The following NCOA2 variants were observed in gnomAD, a reference collection of about 807,000 sequenced individuals.
NCOA2 encodes nuclear receptor coactivator 2, also known as class E basic helix-loop-helix protein 75.
NCOA2 carries 21 observed loss-of-function variants against 145.1 expected under a neutral mutation model. The observed-to-expected ratio is 0.14, with a 90% CI of 0.10 to 0.21. NCOA2 has a LOEUF of 0.21. Ranked by LOEUF, NCOA2 falls within the 10% of genes least tolerant of loss-of-function variation. NCOA2 has a pLI of 1.00. For synonymous variants in NCOA2, 619 were observed against 637.5 expected (o/e 0.97, Z 0.44); for missense variants, 1,472 against 1,837.6 (o/e 0.80, Z 3.64).
At chr8:70,402,900 C>G (rs937201424) in intron 1 of NCOA2, among the ~76,000 whole-genome samples, 2 of 144,730 alleles carry the variant, frequency 1.4e-5, no homozygotes, top group African/African-American at 2.5e-5. Flanking sequence ...CCACCACGGC[C>G]CGGCCTGCTC....
At chr8:70,295,148 A>G (rs1826996388) in intron 2 of NCOA2, among the ~76,000 whole-genome samples, 1 of 152,216 alleles carries the variant, frequency 6.6e-6, no homozygotes, top group Non-Finnish European at 1.5e-5. Flanking sequence ...GACACAAGGA[A>G]AGGAAATAAG....
intron 1 of NCOA2, among the ~76,000 whole-genome samples, chr8:70,377,861 G>C (rs1163817960): frequency 6.6e-6 from 1 of 152,114 alleles, no homozygotes; most frequent in Non-Finnish European, 1.5e-5. Flanking sequence ...AAAAGCACAG[G>C]ATTTTAATTA....
rs1169263053 is a variant in NCOA2 at position 70,124,844 on chromosome 8, G to A, written c.3938C>T (p.Pro1313Leu). The change falls in exon 20 of 23, where the codon CCA becomes CTA. Residue 1313 changes from proline (P) to leucine (L), a missense_variant. Physicochemically the swap from Pro to Leu is moderately conservative, Grantham distance 98 (BLOSUM62 -3). Around this residue, in one of 4 missense-constraint regions of NCOA2, gnomAD observed 232 missense variants for 290.6 expected, o/e 0.80. Transcript: ENST00000452400. Reference sequence around the variant, plus strand: ...GGGAGTCGTAGCCCCAGTAAAGCCTGGATCAGGTTGCTGACTTATTCCTTA... The same window carrying A: ...GGGAGTCGTAGCCCCAGTAAAGCCTAGATCAGGTTGCTGACTTATTCCTTA... ...PNYGISQQPD[P>L]GFTGATTPQS... 2 of 1,595,824 alleles carry A rather than the reference G, an allele frequency of 1.3e-6. No individual in the cohort carries two copies. Among genetic ancestry groups the A allele is most frequent in the African/African-American group, 1.4e-5 (1 of 73,494 alleles).
chr8:70,161,464 G>A (rs1812991584), intron 9 of NCOA2, among the ~76,000 whole-genome samples: 1 of 152,096 alleles, frequency 6.6e-6, no homozygotes, highest in African/African-American at 2.4e-5. Context: ...GACACAAGTT[G>A]TTGGATTATG....
intron 13 of NCOA2, among the ~76,000 whole-genome samples, chr8:70,143,215 T>C (rs1242776304): frequency 1.3e-5 from 2 of 152,220 alleles, no homozygotes; most frequent in Non-Finnish European, 2.9e-5. Flanking sequence ...CCCAAAGTGC[T>C]GGGATTACAG....
chr8:70,246,057 T>C (rs1186723382), intron 2 of NCOA2, among the ~76,000 whole-genome samples: 1 of 152,122 alleles, frequency 6.6e-6, no homozygotes, highest in East Asian at 1.9e-4. Flanking sequence ...TAAAAAATAA[T>C]AATCAGAAGT....
At chr8:70,148,525 G>C (rs776792660) in intron 11 of NCOA2, 42 bp from the exon 12 acceptor site, 4 of 1,583,000 alleles carry the variant, frequency 2.5e-6, no homozygotes, top group African/African-American at 2.7e-5. Context: ...TCTACTCTAA[G>C]AGTAGACACC....
At chr8:70,445,405 C>T in the NCOA2 span, among the ~76,000 whole-genome samples, 3 of 152,128 alleles carry the variant, frequency 2.0e-5, no homozygotes, top group Non-Finnish European at 2.9e-5. Flanking sequence ...TCAATTTGCT[C>T]CCCTGCTGGT....
intron 13 of NCOA2, among the ~76,000 whole-genome samples, chr8:70,142,975 A>ATTTTTTTT: frequency 6.8e-6 from 1 of 146,454 alleles, no homozygotes. Flanking sequence ...TTTGAGATGG[A>ATTTTTTTT]GTCTCACTCT....
chr8:70,218,511 T>C (rs1254731961), intron 2 of NCOA2, among the ~76,000 whole-genome samples: 3 of 152,156 alleles, frequency 2.0e-5, no homozygotes, highest in Admixed American at 6.5e-5. Flanking sequence ...GCTTCACCAC[T>C]TTTAGCTATG....
At chr8:70,247,350 C>A (rs1449515372) in intron 2 of NCOA2, among the ~76,000 whole-genome samples, 3 of 151,932 alleles carry the variant, frequency 2.0e-5, no homozygotes, top group Non-Finnish European at 4.4e-5. Flanking sequence ...AATGAAAACA[C>A]AAAAAAGCAC....
chr8:70,283,485 G>A lies in NCOA2; in HGVS notation c.-20+13259C>T, dbSNP rs17677330. ...TCTCACAGCTACCACCTGGGAACAAGTGGGTGAATTACCGACTCACTGACT... is the reference window on the plus strand; with the variant it reads ...TCTCACAGCTACCACCTGGGAACAAATGGGTGAATTACCGACTCACTGACT... On this transcript the variant is annotated intron_variant, in intron 2 of 22. Coordinates refer to ENST00000452400, the MANE Select transcript of NCOA2 (RefSeq NM_006540.4). 6.9e-3 allele frequency among the ~76,000 whole-genome samples: 1,057 copies of A among 152,308 alleles called. 3 individuals carry two copies. The highest frequency in any genetic ancestry group is 0.011 in the Non-Finnish European group (719 of 68,022).
chr8:70,138,812 G>A (rs1363556497), intron 14 of NCOA2, among the ~76,000 whole-genome samples: 2 of 152,210 alleles, frequency 1.3e-5, no homozygotes, highest in Non-Finnish European at 2.9e-5. Context: ...TTTAATGCCT[G>A]GGTTAATGGA....
intron 11 of NCOA2, 33 bp from the exon 12 acceptor site, chr8:70,148,516 C>A: frequency 1.2e-6 from 2 of 1,600,356 alleles, no homozygotes; most frequent in South Asian, 2.2e-5. Context: ...TTTATCCAGT[C>A]TACTCTAAGA....
At chr8:70,155,903 G>GC (rs1402026074) in intron 11 of NCOA2, 68 bp downstream of exon 11, 5 of 1,250,586 alleles carry the variant, frequency 4.0e-6, no homozygotes, top group Admixed American at 2.7e-5. Flanking sequence ...ACTTCAAAAT[G>GC]CCCCTATGGA....
chr8:70,258,854 A>G (rs57293541), intron 2 of NCOA2, among the ~76,000 whole-genome samples: 2,273 of 152,326 alleles, frequency 0.015, 58 homozygotes, highest in African/African-American at 0.053. Flanking sequence ...AGTTCTTAAC[A>G]TATAGTAGGA....
chr8:70,379,726 T>C (rs1212010505), intron 1 of NCOA2, among the ~76,000 whole-genome samples: 1 of 152,116 alleles, frequency 6.6e-6, no homozygotes, highest in Non-Finnish European at 1.5e-5. Context: ...GAAGCAGGAT[T>C]GAGATTTTTT....
intron 1 of NCOA2, among the ~76,000 whole-genome samples, chr8:70,393,888 C>T (rs1004894849): frequency 5.3e-5 from 8 of 152,212 alleles, no homozygotes; most frequent in African/African-American, 1.4e-4. Flanking sequence ...TGCCCTTCAA[C>T]GTCCAGGCAT....
At chr8:70,243,500 C>T (rs1235278484) in intron 2 of NCOA2, among the ~76,000 whole-genome samples, 3 of 151,868 alleles carry the variant, frequency 2.0e-5, no homozygotes, top group Non-Finnish European at 4.4e-5. Flanking sequence ...CATACAGTGG[C>T]TTGTAATAAT....
Sources: allele counts gnomAD v4.1 joint callset (sites outside exome capture counted in the v4.1 genomes callset), GRCh38; gene constraint gnomAD v4.1.1; regional missense constraint gnomAD v4.1.1; transcripts MANE v1.5; gene names NCBI Gene and HGNC (gene_info 2026-07-23, HGNC 2026-07-21).